LRFN5: variants seen among roughly 807,000 people sequenced by gnomAD.
The protein encoded by LRFN5 is leucine rich repeat and fibronectin type III domain containing 5, also known as leucine-rich repeat and fibronectin type-III domain-containing protein 5.
A neutral mutation model predicts 45.6 loss-of-function variants in LRFN5; 24 were observed. The ratio of observed to expected loss-of-function variants is 0.53; its 90% CI spans 0.38 to 0.74. The LOEUF is 0.74. LRFN5 is among the 30% of genes least tolerant of loss of function. The pLI, the probability that LRFN5 is intolerant of heterozygous loss-of-function variation, is 0.00. For missense variants in LRFN5, 776 were observed against 861.5 expected (o/e 0.90, Z 1.24); for synonymous variants, 340 against 313.8 (o/e 1.08, Z -0.88).
chr14:41,752,062 G>C (rs950548693), intron 1 of LRFN5, among the ~76,000 whole-genome samples: 1 of 152,178 alleles, frequency 6.6e-6, no homozygotes, highest in Non-Finnish European at 1.5e-5. Flanking sequence ...ATGGTTTCCA[G>C]CTTCATCCAT....
chr14:41,718,742 C>G (rs78028692), intron 1 of LRFN5, among the ~76,000 whole-genome samples: 2 of 152,294 alleles, frequency 1.3e-5, no homozygotes, highest in East Asian at 3.9e-4. Context: ...TAAATCTAAG[C>G]TAAATCTCAC....
chr14:41,611,157 G>C (rs1356058607), intron 1 of LRFN5, among the ~76,000 whole-genome samples: 1 of 152,186 alleles, frequency 6.6e-6, no homozygotes, highest in African/African-American at 2.4e-5. Context: ...AATGGATGCT[G>C]AATGCTCAGA....
chr14:41,735,530 C>A (rs767575563), intron 1 of LRFN5, among the ~76,000 whole-genome samples: 4 of 152,158 alleles, frequency 2.6e-5, no homozygotes, highest in Admixed American at 6.5e-5. Flanking sequence ...CGTCAGCCCC[C>A]CCACGTGCTG....
intron 1 of LRFN5, among the ~76,000 whole-genome samples, chr14:41,715,967 A>G (rs1312963636): frequency 9.9e-5 from 15 of 152,128 alleles, no homozygotes; most frequent in Non-Finnish European, 1.5e-5. Flanking sequence ...TCTGAAATCT[A>G]GGTGGAGGTT....
intron 2 of LRFN5, among the ~76,000 whole-genome samples, chr14:41,831,388 A>G (rs1888474910): frequency 6.6e-6 from 1 of 152,190 alleles, no homozygotes. Flanking sequence ...AGACATAAAC[A>G]CACATTCTAT....
At chr14:41,625,524 C>T (rs967861356) in intron 1 of LRFN5, among the ~76,000 whole-genome samples, 5 of 151,968 alleles carry the variant, frequency 3.3e-5, no homozygotes, top group African/African-American at 7.3e-5. Context: ...TTCATAGCAG[C>T]GTGAGAATGG....
At chr14:41,863,938 G>A (rs1566491083) in intron 2 of LRFN5, among the ~76,000 whole-genome samples, 1 of 152,020 alleles carries the variant, frequency 6.6e-6, no homozygotes, top group Non-Finnish European at 1.5e-5. Flanking sequence ...GCAGTGTTTG[G>A]CTTTCTGTTC....
chr14:41,754,128 T>C lies in LRFN5; in HGVS notation c.-196-12726T>C, dbSNP rs139656859. Among the ~76,000 whole-genome samples, 1,456 of 152,296 alleles carry C rather than the reference T, an allele frequency of 9.6e-3. 8 individuals are homozygous for C. The highest frequency in any genetic ancestry group is 0.014 in the East Asian group (73 of 5,184). ...AGGGATAAAACCCACTTGATCATGGTGGATAAGCTTTTTGATGTGCTGCTG... is the reference window on the plus strand; with the variant it reads ...AGGGATAAAACCCACTTGATCATGGCGGATAAGCTTTTTGATGTGCTGCTG... On this transcript the variant is annotated intron_variant, in intron 1 of 5. Transcript: ENST00000298119.
At chr14:41,616,776 T>C (rs943537917) in intron 1 of LRFN5, among the ~76,000 whole-genome samples, 1 of 152,048 alleles carries the variant, frequency 6.6e-6, no homozygotes, top group African/African-American at 2.4e-5. Flanking sequence ...ATTCAAATAG[T>C]TGTCAAGATC....
intron 1 of LRFN5, among the ~76,000 whole-genome samples, chr14:41,623,716 T>G (rs1287443448): frequency 6.6e-6 from 1 of 152,094 alleles, no homozygotes; most frequent in Non-Finnish European, 1.5e-5. Flanking sequence ...TATCAACTTA[T>G]ATTATTATTA....
At chr14:41,877,781 C>T (rs1040718549) in intron 2 of LRFN5, among the ~76,000 whole-genome samples, 11 of 152,002 alleles carry the variant, frequency 7.2e-5, no homozygotes, top group Admixed American at 1.3e-4. Flanking sequence ...TTTATATACC[C>T]GTTTTACACA....
At chr14:41,674,358 G>A (rs1430129020) in intron 1 of LRFN5, among the ~76,000 whole-genome samples, 6 of 142,204 alleles carry the variant, frequency 4.2e-5, no homozygotes, top group South Asian at 2.3e-4. Context: ...CCCAGATGGG[G>A]CGGCTGGCCG....
At chr14:41,710,175 T>C (rs183856909) in intron 1 of LRFN5, among the ~76,000 whole-genome samples, 36 of 152,276 alleles carry the variant, frequency 2.4e-4, no homozygotes, top group Non-Finnish European at 4.4e-4. Flanking sequence ...TATGAATGTA[T>C]TGGATTATTG....
At chr14:41,891,149 C>T (rs1890765274) in intron 3 of LRFN5, 101 bp from the exon 4 acceptor site, 3 of 877,378 alleles carry the variant, frequency 3.4e-6, no homozygotes, top group Non-Finnish European at 5.4e-6. Flanking sequence ...TATAAATGTA[C>T]TTAATGATAC....
intron 1 of LRFN5, among the ~76,000 whole-genome samples, chr14:41,630,638 C>T (rs1393759836): frequency 6.6e-6 from 1 of 151,962 alleles, no homozygotes; most frequent in Non-Finnish European, 1.5e-5. Context: ...TGCTATTTTG[C>T]ACTATATACT....
chr14:41,669,127 A>G (rs1476087285), intron 1 of LRFN5, among the ~76,000 whole-genome samples: 1 of 152,120 alleles, frequency 6.6e-6, no homozygotes, highest in Admixed American at 6.5e-5. Context: ...AAACAAAAGG[A>G]TCTATAGCTG....
At chr14:41,628,794 A>T (rs1888433584) in intron 1 of LRFN5, among the ~76,000 whole-genome samples, 1 of 152,072 alleles carries the variant, frequency 6.6e-6, no homozygotes, top group South Asian at 2.1e-4. Flanking sequence ...ACGTGTGGGG[A>T]CTGTGATAAA....
At chr14:41,673,129 A>G (rs1187189703) in intron 1 of LRFN5, among the ~76,000 whole-genome samples, 1 of 152,122 alleles carries the variant, frequency 6.6e-6, no homozygotes, top group East Asian at 1.9e-4. Context: ...CTACACAGAC[A>G]CGGCAACCAT....
intron 2 of LRFN5, among the ~76,000 whole-genome samples, chr14:41,860,533 T>C (rs1299105833): frequency 6.6e-6 from 1 of 152,214 alleles, no homozygotes; most frequent in Non-Finnish European, 1.5e-5. Context: ...CATAATTACA[T>C]TGTACACACA....
Sources: gnomAD v4.1 joint callset for allele counts (sites outside exome capture counted in the v4.1 genomes callset) on GRCh38, gnomAD v4.1.1 for gene constraint, MANE v1.5 for transcripts, NCBI Gene and HGNC (gene_info 2026-07-23, HGNC 2026-07-21) for gene names.